G6PD: variants seen among roughly 807,000 people sequenced by gnomAD.
The protein encoded by G6PD is glucose-6-phosphate 1-dehydrogenase.
Under a neutral mutation model 38.2 loss-of-function variants are expected in G6PD, and 2 were observed. The observed-to-expected ratio is 0.05, with a 90% CI of 0.02 to 0.16. The LOEUF (loss-of-function observed/expected upper bound fraction) is 0.16. Ranked by LOEUF, G6PD falls within the 10% of genes least tolerant of loss-of-function variation. G6PD has a pLI of 1.00. For synonymous variants in G6PD, 188 were observed against 196.0 expected, an observed-to-expected ratio of 0.96 and a Z score of 0.34; for missense variants, 310 against 471.6, an observed-to-expected ratio of 0.66 and a Z score of 3.17.
chrX:154,542,317 G>T (rs369777148), intron 2 of G6PD: 1 of 1,182,335 alleles, frequency 8.5e-7, no homozygotes, highest in Non-Finnish European at 1.1e-6. Flanking sequence ...TGAGGACCCC[G>T]CAGACTATCA....
At chrX:154,539,867 C>T (rs898413235) in intron 2 of G6PD, among the ~76,000 whole-genome samples, 14 of 110,023 alleles carry the variant, frequency 1.3e-4, no homozygotes, top group Non-Finnish European at 2.3e-4. Flanking sequence ...GGACTCCAGG[C>T]ACCTGCCACC....
chrX:154,534,585 G>T, intron 5 of G6PD, 89 bp from the exon 6 acceptor site: 1 of 1,106,559 alleles, frequency 9.0e-7, no homozygotes, highest in Non-Finnish European at 1.2e-6. Context: ...CCCTCCCAGG[G>T]GAGTAGAGGC....
chrX:154,535,449 G>A (rs2070397372), intron 4 of G6PD, 64 bp from the exon 5 acceptor site: 1 of 1,038,682 alleles, frequency 9.6e-7, no homozygotes, highest in Non-Finnish European at 1.3e-6. Context: ...GTCCGTGTGT[G>A]TTCTGCCCCA....
chrX:154,547,303 G>A, upstream of G6PD: 7 of 751,867 alleles, frequency 9.3e-6, no homozygotes, highest in Non-Finnish European at 1.1e-5. Flanking sequence ...GGGAACCCTC[G>A]CCTGTTCGCG....
At chrX:154,534,547 T>C (rs781954990) in intron 5 of G6PD, 51 bp from the exon 6 acceptor site, 27 of 1,193,275 alleles carry the variant, frequency 2.3e-5, no homozygotes, top group Non-Finnish European at 2.9e-5. Flanking sequence ...CTTCGGGGAG[T>C]GAGGATCAGA....
chrX:154,536,486 T>C (rs2070409944), intron 2 of G6PD, among the ~76,000 whole-genome samples: 1 of 112,020 alleles, frequency 8.9e-6, no homozygotes, highest in Non-Finnish European at 1.9e-5. Flanking sequence ...CTCAAGTGCT[T>C]ACATTAGCAA....
In G6PD at chrX:154,546,057, T is replaced by C. The variant is rs1163458456; in HGVS notation, c.99A>G (p.Ile33Met). Residue 33 changes from isoleucine (I) to methionine (M), a missense_variant, in exon 2 of 13, where the codon ATA becomes ATG. Physicochemically the swap from Ile to Met is conservative, Grantham distance 10. Coordinates refer to ENST00000393562, the MANE Select transcript of G6PD (RefSeq NM_001360016.2). ...GDAFHQSDTH[I>M]FIIMGASGDL... is the part of the protein sequence containing the mutation. ...TCACCGATGCACCCATGATGATGAA[T>C]ATGTGTGTATCCGACTGATGGAAGG... The C allele has an allele frequency of 8.3e-7, 1 of 1,210,448 alleles. No homozygotes were observed. The highest frequency in any genetic ancestry group is 3.0e-5 in the East Asian group (1 of 33,810).
intron 7 of G6PD, 61 bp from the exon 8 acceptor site, chrX:154,533,730 G>C: frequency 8.3e-7 from 1 of 1,202,791 alleles, no homozygotes; most frequent in Non-Finnish European, 1.1e-6. Flanking sequence ...TGGTTCAAGG[G>C]CATGGGGACC....
At position 154,535,152 on chromosome X, in the gene G6PD, C is replaced by T; in HGVS notation, c.485+16G>A. The T allele has an allele frequency of 8.3e-7, 1 of 1,204,959 alleles. No individual in the cohort carries two copies. Among genetic ancestry groups the T allele is most frequent in the Non-Finnish European group, 1.1e-6 (1 of 890,494 alleles). ...CAGCCTGGCAGGCGGGAAGGGAGGGCAACGGCAAGCCTTACATCTGGCTCA... is the reference window on the plus strand; with the variant it reads ...CAGCCTGGCAGGCGGGAAGGGAGGGTAACGGCAAGCCTTACATCTGGCTCA... On this transcript the variant is annotated intron_variant, in intron 5 of 12. Coordinates refer to ENST00000393562, the MANE Select transcript of G6PD (RefSeq NM_001360016.2).
intron 12 of G6PD, 36 bp downstream of exon 12, chrX:154,532,152 G>A (rs782611676): frequency 4.7e-6 from 5 of 1,057,035 alleles, no homozygotes; most frequent in African/African-American, 1.9e-5. Flanking sequence ...GCCCCTGCCC[G>A]CTGGGCTCTG....
intron 2 of G6PD, among the ~76,000 whole-genome samples, chrX:154,537,130 C>A (rs1275517987): frequency 9.1e-6 from 1 of 110,092 alleles, no homozygotes; most frequent in African/African-American, 3.3e-5. Context: ...ACGGTGAAAC[C>A]CCGCCTCTAC....
At chrX:154,546,858 C>G, upstream of G6PD, 1 of 1,114,449 alleles carries the variant, frequency 9.0e-7, no homozygotes, top group Non-Finnish European at 1.2e-6. Context: ...GGGGCTGAGC[C>G]CCGCCGGCCC....
At chrX:154,544,562 T>A (rs185162883) in intron 2 of G6PD, among the ~76,000 whole-genome samples, 1 of 112,697 alleles carries the variant, frequency 8.9e-6, no homozygotes, top group East Asian at 2.8e-4. Flanking sequence ...CCCAAAGTGC[T>A]GGGAATACAG....
rs782078151 is a variant in G6PD, at chrX:154,532,780, G to A, written c.1074C>T (p.Cys358=). The A allele has an allele frequency of 2.7e-5, 33 of 1,208,614 alleles. No individual in the cohort carries two copies. The highest frequency in any genetic ancestry group is 1.2e-4 in the East Asian group (4 of 33,668). Residue 358 remains cysteine, a synonymous_variant, in exon 10 of 13, where the codon TGC becomes TGT. Transcript: ENST00000393562. ...CCTTGCGCTCGTTCAGGGCCTTGCC[G>A]CAGCGCAGGATGAAGGGCACCCCTA... The part of the protein sequence containing the change: ...RWDGVPFILR[C]GKALNERKAE...
chrX:154,534,032 C>T lies in G6PD; in HGVS notation c.770+3G>A. On this transcript the variant is annotated splice_donor_region_variant and intron_variant, in intron 7 of 12. Coordinates refer to ENST00000393562, the MANE Select transcript of G6PD (RefSeq NM_001360016.2). ...CCTCCCAGGAGAGAGGAAGAGCTCTCACCGGATGATCCCAAATTCATCGAA... is the reference window on the plus strand; with the variant it reads ...CCTCCCAGGAGAGAGGAAGAGCTCTTACCGGATGATCCCAAATTCATCGAA... 2 of 1,211,805 alleles carry T rather than the reference C, an allele frequency of 1.7e-6. No homozygotes were observed. The highest frequency in any genetic ancestry group is 2.2e-6 in the Non-Finnish European group (2 of 895,480).
At chrX:154,534,317 C>A (rs781993920) in intron 6 of G6PD, 21 bp downstream of exon 6, 4 of 1,209,656 alleles carry the variant, frequency 3.3e-6, no homozygotes, top group East Asian at 3.0e-5. Context: ...CCCTGGTCCC[C>A]CGGCCCAGGC....
At chrX:154,540,412 T>C (rs2070472510) in intron 2 of G6PD, among the ~76,000 whole-genome samples, 1 of 110,087 alleles carries the variant, frequency 9.1e-6, no homozygotes, top group South Asian at 3.9e-4. Flanking sequence ...GAGATTGCAG[T>C]GAGCCAAGAT....
Position 154,546,817 on chromosome X carries a change from C to G in G6PD, c.-37G>C. The G allele has an allele frequency of 8.6e-7, 1 of 1,163,099 alleles. No individual in the cohort carries two copies. Among genetic ancestry groups the G allele is most frequent in the Non-Finnish European group, 1.1e-6 (1 of 873,504 alleles). On this transcript the variant is annotated 5_prime_UTR_variant, in exon 1 of 13. Coordinates refer to ENST00000393562, the MANE Select transcript of G6PD (RefSeq NM_001360016.2). ...CGCTTCGTCGTCGTCGCCCTCCGCG[C>G]TCGCAGCCCCGAAGTGTACGACCGT... is the stretch of plus-strand genomic sequence containing the variant.
chrX:154,531,883 A>G lies in G6PD; in HGVS notation c.*117T>C, dbSNP rs1315786602. 3 of 1,100,820 alleles carry G rather than the reference A, an allele frequency of 2.7e-6. No individual in the cohort carries two copies. The highest frequency in any genetic ancestry group is 3.7e-5 in the African/African-American group (2 of 53,789). 90.7% of individuals were successfully genotyped at this position (1,100,820 alleles called of 1,213,427 possible). On this transcript the variant is annotated 3_prime_UTR_variant, in exon 13 of 13. Transcript: ENST00000393562. The stretch of plus-strand genomic sequence containing the variant: ...CAGCGAGGGGCGGGCCAGGGTGGCC[A>G]GAGCCCGGGGCCAGGAATGTGCAGC...
Sources: allele counts gnomAD v4.1 joint callset (sites outside exome capture counted in the v4.1 genomes callset), GRCh38; gene constraint gnomAD v4.1.1; transcripts MANE v1.5; gene names NCBI Gene and HGNC (gene_info 2026-07-23, HGNC 2026-07-21).